NPFFR1: variants seen among roughly 807,000 people sequenced by gnomAD.
NPFFR1 encodes the protein neuropeptide FF receptor 1.
Under a neutral mutation model 12.7 loss-of-function variants are expected in NPFFR1, and 17 were observed. The ratio of observed to expected loss-of-function variants is 1.34; its 90% CI spans 0.92 to 2.01. The LOEUF (loss-of-function observed/expected upper bound fraction) is 2.01, where lower values mean the gene tolerates loss of function less well. NPFFR1 is among the 30% of genes most tolerant of loss of function. The pLI is 0.00. For synonymous variants in NPFFR1, 296 were observed against 264.5 expected (o/e 1.12, Z -1.16); for missense variants, 604 against 606.5 (o/e 1.00, Z 0.04).
At chr10:70,266,627 G>T (rs1461664268) in intron 1 of NPFFR1, among the ~76,000 whole-genome samples, 2 of 152,252 alleles carry the variant, frequency 1.3e-5, no homozygotes, top group South Asian at 2.1e-4. Context: ...TCCAATGTTG[G>T]TTTTTCTTTA....
intron 3 of NPFFR1, among the ~76,000 whole-genome samples, chr10:70,258,743 CT>C (rs1840602660): frequency 6.6e-6 from 1 of 152,186 alleles, no homozygotes; most frequent in African/African-American, 2.4e-5. Context: ...GTCAATCTTA[CT>C]TGTTTAATGG....
rs368853934 is a variant in NPFFR1 at position 70,255,597 on chromosome 10, G to A, written c.653C>T (p.Thr218Ile). Reference protein sequence around the residue: ...PEKGMRRVYTTVLFSHIYLAP... With the variant: ...PEKGMRRVYTIVLFSHIYLAP... ...CAGGTAGATGTGCGAGAAGAGCACA[G>A]TGGTGTAGACCCTGCGCATGCCCTT... Residue 218 changes from threonine (T) to isoleucine (I), a missense_variant, in exon 4 of 4, where the codon ACT (threonine) becomes ATT (isoleucine). Thr to Ile is a moderately conservative substitution (Grantham distance 89). Transcript: ENST00000277942. The surrounding 1 kb of genome is among the most constrained non-coding windows in gnomAD (Gnocchi z 4.2). 2.0e-4 allele frequency: 318 copies of A among 1,557,294 alleles called. No homozygotes were observed. Among genetic ancestry groups the A allele is most frequent in the Non-Finnish European group, 2.7e-4 (306 of 1,150,774 alleles).
At chr10:70,266,948 C>T (rs1333513094) in intron 1 of NPFFR1, among the ~76,000 whole-genome samples, 2 of 152,222 alleles carry the variant, frequency 1.3e-5, no homozygotes, top group African/African-American at 4.8e-5. Context: ...AACACTCTTC[C>T]CTCTCCTTGC....
chr10:70,263,773 G>GT (rs56401413), intron 2 of NPFFR1, among the ~76,000 whole-genome samples: 1 of 149,516 alleles, frequency 6.7e-6, no homozygotes, highest in Non-Finnish European at 1.5e-5. Context: ...CTGTATGTGA[G>GT]TTAAAAAAAA....
At position 70,269,215 on chromosome 10, in the gene NPFFR1, A is replaced by T. The variant is rs569280930; in HGVS notation, c.8-2824T>A. Among the ~76,000 whole-genome samples the T allele has an allele frequency of 5.1e-4, 77 of 152,246 alleles. No homozygotes were observed. The Middle Eastern group carries it at 0.01, about 20-fold the overall frequency. On this transcript the variant is annotated intron_variant, in intron 1 of 3. Coordinates refer to ENST00000277942, the MANE Select transcript of NPFFR1 (RefSeq NM_022146.5). ...GCCTTTCTCTTTGTGGTGCTGGCTCAATCAGGGGGCTCAGGTGATGTACCT... is the reference window on the plus strand; with the variant it reads ...GCCTTTCTCTTTGTGGTGCTGGCTCTATCAGGGGGCTCAGGTGATGTACCT...
intron 3 of NPFFR1, among the ~76,000 whole-genome samples, chr10:70,260,262 A>G (rs943688207): frequency 1.2e-4 from 18 of 152,284 alleles, no homozygotes; most frequent in African/African-American, 4.1e-4. Flanking sequence ...CTTCCTCCCC[A>G]GCCATACCGT....
chr10:70,282,398 A>G (rs1281317506), intron 1 of NPFFR1, among the ~76,000 whole-genome samples: 1 of 152,168 alleles, frequency 6.6e-6, no homozygotes, highest in Non-Finnish European at 1.5e-5. Context: ...GGGCTTTGCT[A>G]ACGCCATTCT....
At position 70,250,402 on chromosome 10, in the gene NPFFR1, A is replaced by C. The variant is rs545396309; in HGVS notation, c.*4555T>G. The C allele has an allele frequency of 6.6e-6, 1 of 152,366 alleles. No homozygotes were observed. Among genetic ancestry groups the C allele is most frequent in the Admixed American group, 6.5e-5 (1 of 15,304 alleles). The allele number at this position is 152,366 out of a possible 1,614,324, so 9.4% of individuals were successfully genotyped here. ...CTCGATCCTAGGTATCTACCCAAGAAAAATGGAAAACATACATACACATAC... is the reference window on the plus strand; with the variant it reads ...CTCGATCCTAGGTATCTACCCAAGACAAATGGAAAACATACATACACATAC... On this transcript the variant is annotated 3_prime_UTR_variant, in exon 4 of 4. Coordinates refer to ENST00000277942, the MANE Select transcript of NPFFR1 (RefSeq NM_022146.5).
intron 2 of NPFFR1, among the ~76,000 whole-genome samples, chr10:70,264,096 C>T (rs966204686): frequency 1.4e-5 from 2 of 146,814 alleles, no homozygotes; most frequent in Non-Finnish European, 1.5e-5. Context: ...AAAAAGAGGC[C>T]GGTGTGGTGG....
intron 1 of NPFFR1, among the ~76,000 whole-genome samples, chr10:70,272,148 G>A (rs958077831): frequency 0.012 from 1,591 of 134,338 alleles, 18 homozygotes; most frequent in Middle Eastern, 0.026. Context: ...AAAGAGAAAG[G>A]GAGAGAGAGA....
chr10:70,271,727 T>C (rs1840743817), intron 1 of NPFFR1, among the ~76,000 whole-genome samples: 1 of 152,106 alleles, frequency 6.6e-6, no homozygotes, highest in Admixed American at 6.6e-5. Context: ...CATGGCACTC[T>C]GTGTGAGGCA....
intron 1 of NPFFR1, among the ~76,000 whole-genome samples, chr10:70,279,353 G>T (rs1298079700): frequency 3.9e-5 from 6 of 152,084 alleles, no homozygotes; most frequent in Non-Finnish European, 8.8e-5. Context: ...CACCATGTTG[G>T]CTAGGCTGGT....
At chr10:70,261,777 G>GTTTGTTTTGTTTTGT (rs141990333) in intron 2 of NPFFR1, among the ~76,000 whole-genome samples, 100 of 152,162 alleles carry the variant, frequency 6.6e-4, no homozygotes, top group African/African-American at 2.2e-3. Context: ...CAGTTGTTTT[G>GTTTGTTTTGTTTTGT]TTTGTTTTGT....
In NPFFR1 at chr10:70,252,785, G is replaced by T. The variant is rs924483449; in HGVS notation, c.*2172C>A. 19 of 152,318 alleles carry T rather than the reference G, an allele frequency of 1.2e-4. No individual in the cohort carries two copies. Among genetic ancestry groups the T allele is most frequent in the African/African-American group, 4.3e-4 (18 of 41,570 alleles). The allele number at this position is 152,318 out of a possible 1,614,324, so 9.4% of individuals were successfully genotyped here. The stretch of plus-strand genomic sequence containing the variant: ...GACATCTTTTGGGGGAAGACAAAGG[G>T]GCTGTGATGGAAAGGTTGGCTTGAG... On this transcript the variant is annotated 3_prime_UTR_variant, in exon 4 of 4. Coordinates refer to ENST00000277942, the MANE Select transcript of NPFFR1 (RefSeq NM_022146.5).
chr10:70,277,963 C>T (rs1476990000), intron 1 of NPFFR1: 1 of 519,902 alleles, frequency 1.9e-6, no homozygotes, highest in Non-Finnish European at 3.8e-6. Flanking sequence ...AGAGAACCCT[C>T]CAGGCCATTG....
intron 1 of NPFFR1, among the ~76,000 whole-genome samples, chr10:70,277,056 T>A (rs577692961): frequency 1.3e-5 from 2 of 152,326 alleles, no homozygotes; most frequent in Admixed American, 6.5e-5. Flanking sequence ...GTAGAAATAC[T>A]TATTGTAAGT....
In NPFFR1 at chr10:70,248,886, C is replaced by T. The variant is rs1840481934; in HGVS notation, c.*6071G>A. The T allele has an allele frequency of 1.3e-5, 2 of 151,996 alleles. No homozygotes were observed. Among genetic ancestry groups the T allele is most frequent in the Admixed American group, 6.6e-5 (1 of 15,264 alleles). 9.4% of individuals were successfully genotyped at this position (151,996 alleles called of 1,614,324 possible). A position where few individuals can be genotyped will look rare whatever the true frequency, so the allele number is the denominator to read the frequency against. On this transcript the variant is annotated 3_prime_UTR_variant, in exon 4 of 4. Transcript: ENST00000277942. Reference sequence around the variant, plus strand: ...TTTTGATATCTACTAATTCCTTTTTCAGTTATCCCACTCCTCCCTTAGAAC... The same window carrying T: ...TTTTGATATCTACTAATTCCTTTTTTAGTTATCCCACTCCTCCCTTAGAAC...
intron 2 of NPFFR1, among the ~76,000 whole-genome samples, chr10:70,265,244 G>A (rs992199407): frequency 2.6e-5 from 4 of 152,180 alleles, no homozygotes; most frequent in African/African-American, 9.7e-5. Flanking sequence ...GGATCCTGAG[G>A]ACCAGTGAGC....
Position 70,255,195 on chromosome 10 carries a change from G to C in NPFFR1, c.1055C>G (p.Pro352Arg), listed in dbSNP as rs933606835. ...AAFRARLCPR[P>R]SGSHKEAYSE... The stretch of plus-strand genomic sequence containing the variant: ...GTAGGCCTCCTTGTGGCTCCCCGAC[G>C]GGCGCGGGCAGAGGCGGGCGCGGAA... Residue 352 changes from proline to arginine, a missense_variant, in exon 4 of 4, where the codon CCG (proline) becomes CGG (arginine). Coordinates refer to ENST00000277942, the MANE Select transcript of NPFFR1 (RefSeq NM_022146.5). The surrounding 1 kb of genome is among the most constrained non-coding windows in gnomAD (Gnocchi z 4.2). The C allele has an allele frequency of 6.4e-6, 10 of 1,551,852 alleles. No individual in the cohort carries two copies. Among genetic ancestry groups the C allele is most frequent in the Middle Eastern group, 1.7e-4 (1 of 5,934 alleles).
Sources: gnomAD v4.1 joint callset for allele counts (sites outside exome capture counted in the v4.1 genomes callset) on GRCh38, gnomAD v4.1.1 for gene constraint, Gnocchi (gnomAD v3.1) non-coding constraint, MANE v1.5 for transcripts, NCBI Gene and HGNC (gene_info 2026-07-23, HGNC 2026-07-21) for gene names.